Variants in UBASH3B observed in about 807,000 individuals in gnomAD.
UBASH3B encodes ubiquitin-associated and SH3 domain-containing protein B.
In UBASH3B, 37 loss-of-function variants were observed where a neutral mutation model predicts 83.4. The observed-to-expected ratio is 0.44, with a 90% CI of 0.34 to 0.58. The LOEUF is 0.58. Among genes scored for constraint, UBASH3B ranks in the 20% least tolerant of loss-of-function variants. UBASH3B has a pLI of 0.01. For synonymous variants in UBASH3B, 304 were observed against 318.3 expected (o/e 0.96, Z 0.48); for missense variants, 657 against 827.2 (o/e 0.79, Z 2.52).
intron 1 of UBASH3B, among the ~76,000 whole-genome samples, chr11:122,737,425 G>A (rs1028998484): frequency 1.3e-5 from 2 of 152,138 alleles, no homozygotes; most frequent in African/African-American, 4.8e-5. Flanking sequence ...GAATTAGATA[G>A]GAGAGGTGAG....
chr11:122,680,073 C>T (rs1863718590), intron 1 of UBASH3B, among the ~76,000 whole-genome samples: 1 of 152,194 alleles, frequency 6.6e-6, no homozygotes, highest in Admixed American at 6.5e-5. Context: ...TCAAGTGATC[C>T]ATCCGCCTCG....
At chr11:122,708,637 C>T (rs1230244221) in intron 1 of UBASH3B, among the ~76,000 whole-genome samples, 1 of 152,022 alleles carries the variant, frequency 6.6e-6, no homozygotes, top group African/African-American at 2.4e-5. Flanking sequence ...TTCATTCTTC[C>T]AAAAAGTTTT....
At chr11:122,723,713 C>T (rs531888406) in intron 1 of UBASH3B, among the ~76,000 whole-genome samples, 4 of 152,266 alleles carry the variant, frequency 2.6e-5, no homozygotes, top group Admixed American at 6.5e-5. Flanking sequence ...AACCATGGGC[C>T]GGTGGCTTAG....
In UBASH3B at chr11:122,708,494, A is replaced by T. The variant is rs181757603; in HGVS notation, c.161+52284A>T. Among the ~76,000 whole-genome samples, 49 of 152,144 alleles carry T rather than the reference A, an allele frequency of 3.2e-4. No homozygotes were observed. In the East Asian group the frequency reaches 8.9e-3, roughly 28 times the overall value. On this transcript the variant is annotated intron_variant, in intron 1 of 13. Coordinates refer to ENST00000284273, the MANE Select transcript of UBASH3B (RefSeq NM_032873.5). ...TTATTAGTAGAGACAGGGTTTCACC[A>T]TGTTGGCCAGGCTGGTCTTGAACTC...
chr11:122,682,112 G>T (rs1863748729), intron 1 of UBASH3B, among the ~76,000 whole-genome samples: 1 of 152,212 alleles, frequency 6.6e-6, no homozygotes, highest in African/African-American at 2.4e-5. Flanking sequence ...TCACTGCGAG[G>T]ATAGCGAGTG....
intron 5 of UBASH3B, among the ~76,000 whole-genome samples, chr11:122,787,758 C>A (rs1490565076): frequency 1.3e-5 from 2 of 152,140 alleles, no homozygotes; most frequent in African/African-American, 4.8e-5. Flanking sequence ...TCTCATTTAA[C>A]TTTTATGGGC....
intron 5 of UBASH3B, 72 bp downstream of exon 5, chr11:122,783,294 A>C: frequency 2.6e-6 from 4 of 1,534,742 alleles, no homozygotes; most frequent in Non-Finnish European, 3.5e-6. Context: ...TCGCTGCTGC[A>C]GGGAGATGGG....
intron 1 of UBASH3B, among the ~76,000 whole-genome samples, chr11:122,712,914 T>G (rs1370130833): frequency 4.5e-5 from 6 of 132,908 alleles, no homozygotes; most frequent in African/African-American, 1.1e-4. Flanking sequence ...TTTTTTTTTT[T>G]TTTTTTTTTT....
Position 122,656,070 on chromosome 11 carries a change from C to T in UBASH3B, c.21C>T (p.Pro7=), listed in dbSNP as rs1863355909. 1 of 1,599,842 alleles carries T rather than the reference C, an allele frequency of 6.3e-7. No homozygotes were observed. The highest frequency in any genetic ancestry group is 1.7e-5 in the Admixed American group (1 of 58,862). MAQYGH[P]SPLGMAAREE... ...GAGCCATGGCTCAGTACGGCCACCC[C>T]AGTCCGCTCGGCATGGCTGCGAGAG... The change falls in exon 1 of 14, where the codon CCC becomes CCT. Residue 7 remains proline, a synonymous_variant. Transcript: ENST00000284273.
chr11:122,690,666 A>G (rs895255601), intron 1 of UBASH3B, among the ~76,000 whole-genome samples: 6 of 152,050 alleles, frequency 3.9e-5, no homozygotes, highest in Non-Finnish European at 8.8e-5. Context: ...AAGTTTAGAT[A>G]CATACGCATG....
At chr11:122,750,596 T>C (rs1256501998) in intron 1 of UBASH3B, among the ~76,000 whole-genome samples, 1 of 152,224 alleles carries the variant, frequency 6.6e-6, no homozygotes, top group Non-Finnish European at 1.5e-5. Flanking sequence ...GAAATGAATC[T>C]GGAGAAGTTA....
chr11:122,670,003 C>G (rs1489585413), intron 1 of UBASH3B, among the ~76,000 whole-genome samples: 1 of 152,168 alleles, frequency 6.6e-6, no homozygotes, highest in East Asian at 1.9e-4. Flanking sequence ...GATATGAAGT[C>G]TCTAGATTAC....
intron 1 of UBASH3B, among the ~76,000 whole-genome samples, chr11:122,702,267 A>T (rs894777556): frequency 6.6e-6 from 1 of 152,184 alleles, no homozygotes; most frequent in Non-Finnish European, 1.5e-5. Flanking sequence ...GCAAGGAAAC[A>T]TTTCATCCAG....
At chr11:122,801,637 T>A (rs1861260984) in intron 11 of UBASH3B, among the ~76,000 whole-genome samples, 1 of 152,222 alleles carries the variant, frequency 6.6e-6, no homozygotes, top group Non-Finnish European at 1.5e-5. Flanking sequence ...GAGCTAATGA[T>A]GATGCAGTTG....
chr11:122,655,894 C>T lies in UBASH3B; in HGVS notation c.-156C>T, dbSNP rs986449836. On this transcript the variant is annotated 5_prime_UTR_variant, in exon 1 of 14. Transcript: ENST00000284273. ...GCCTCACCAGGAAGCGTCAGAGTCCCGACACTGGGGAAGCTCGGAGCGCCG... is the reference window on the plus strand; with the variant it reads ...GCCTCACCAGGAAGCGTCAGAGTCCTGACACTGGGGAAGCTCGGAGCGCCG... The T allele has an allele frequency of 1.2e-6, 1 of 815,850 alleles. No individual in the cohort carries two copies. The highest frequency in any genetic ancestry group is 1.8e-5 in the African/African-American group (1 of 54,874). The allele number at this position is 815,850 out of a possible 1,614,324, so 50.5% of individuals were successfully genotyped here.
At chr11:122,696,305 G>A (rs972399049) in intron 1 of UBASH3B, among the ~76,000 whole-genome samples, 13 of 149,886 alleles carry the variant, frequency 8.7e-5, no homozygotes, top group Non-Finnish European at 1.6e-4. Context: ...CCTTAATGAG[G>A]ATTTCTTCAG....
intron 1 of UBASH3B, among the ~76,000 whole-genome samples, chr11:122,751,334 C>T (rs978313545): frequency 2.0e-5 from 3 of 152,296 alleles, no homozygotes; most frequent in African/African-American, 2.4e-5. Flanking sequence ...TGGGAGAATG[C>T]GGTCCACGCC....
intron 1 of UBASH3B, among the ~76,000 whole-genome samples, chr11:122,706,044 A>G (rs1447899435): frequency 6.6e-6 from 1 of 151,638 alleles, no homozygotes; most frequent in Non-Finnish European, 1.5e-5. Context: ...CAAAATGTCC[A>G]TCATGAAGAG....
At position 122,793,240 on chromosome 11, in the gene UBASH3B, G is replaced by A. The variant is rs901533588; in HGVS notation, c.981-1462G>A. On this transcript the variant is annotated intron_variant, in intron 6 of 13. Transcript: ENST00000284273. ...TCTACTAAAAATACAAAAATTAGCC[G>A]GGCGTGGTGACGCACGCCTGTAATC... 4.6e-5 allele frequency among the ~76,000 whole-genome samples: 7 copies of A among 152,128 alleles called. No homozygotes were observed. In the South Asian group the frequency reaches 6.3e-4, roughly 14 times the overall value.
Sources: allele counts gnomAD v4.1 joint callset (sites outside exome capture counted in the v4.1 genomes callset), GRCh38; gene constraint gnomAD v4.1.1; transcripts MANE v1.5; gene names NCBI Gene and HGNC (gene_info 2026-07-23, HGNC 2026-07-21).